Variants in CANX observed in about 807,000 individuals in gnomAD.
The protein encoded by CANX is epididymis secretory sperm binding protein.
A neutral mutation model predicts 75.7 loss-of-function variants in CANX; 14 were observed. The observed-to-expected ratio is 0.19, with a 90% CI of 0.12 to 0.29. The LOEUF (loss-of-function observed/expected upper bound fraction) is 0.29, where lower values mean the gene tolerates loss of function less well. Ranked by LOEUF, CANX falls within the 10% of genes least tolerant of loss-of-function variation. CANX has a pLI of 1.00. For missense variants in CANX, 567 were observed against 713.2 expected, an observed-to-expected ratio of 0.79 and a Z score of 2.34; for synonymous variants, 227 against 236.9, an observed-to-expected ratio of 0.96 and a Z score of 0.38.
chr5:179,729,264 A>T lies in CANX; in HGVS notation c.*620A>T, dbSNP rs1389387516. 6.5e-6 allele frequency: 1 copy of T among 153,870 alleles called. No individual in the cohort carries two copies. The highest frequency in any genetic ancestry group is 6.5e-5 in the Admixed American group (1 of 15,364). The allele number at this position is 153,870 out of a possible 1,614,324, so 9.5% of individuals were successfully genotyped here. A position where few individuals can be genotyped will look rare whatever the true frequency, so the allele number is the denominator to read the frequency against. On this transcript the variant is annotated 3_prime_UTR_variant, in exon 15 of 15. Transcript: ENST00000247461. ...TGCGTTTAAGTTGTATTAAAAATAG[A>T]TATATAAGAAAAAATTCTTTCACTT...
upstream of CANX, chr5:179,698,367 C>G (rs1019687604): frequency 2.5e-5 from 29 of 1,181,098 alleles, no homozygotes; most frequent in Non-Finnish European, 2.5e-5. Flanking sequence ...GCTCCTGGGC[C>G]GAGCCATGAC....
upstream of CANX, among the ~76,000 whole-genome samples, chr5:179,695,811 C>T (rs1021363127): frequency 2.0e-5 from 3 of 150,632 alleles, no homozygotes; most frequent in Non-Finnish European, 4.4e-5. Flanking sequence ...CCACTGCGCC[C>T]GGCTAATTTT....
intron 1 of CANX, chr5:179,700,954 C>T (rs1776706726): frequency 6.6e-6 from 1 of 151,962 alleles, no homozygotes; most frequent in East Asian, 1.9e-4. Context: ...GCTCCGCCTC[C>T]CGGGTTCACG....
chr5:179,706,073 G>A (rs186172705), intron 2 of CANX, among the ~76,000 whole-genome samples, 185 bp from the exon 3 acceptor site: 13 of 152,224 alleles, frequency 8.5e-5, no homozygotes, highest in African/African-American at 2.9e-4. Context: ...AGCAAAATTC[G>A]TGAAAATACT....
At chr5:179,708,027 G>A (rs1777280381) in intron 4 of CANX, among the ~76,000 whole-genome samples, 1 of 151,994 alleles carries the variant, frequency 6.6e-6, no homozygotes, top group Non-Finnish European at 1.5e-5. Context: ...ATTAGAGATG[G>A]GGTTTCACCA....
chr5:179,723,213 T>C (rs896794041), intron 11 of CANX, among the ~76,000 whole-genome samples, 194 bp downstream of exon 11: 3 of 152,144 alleles, frequency 2.0e-5, no homozygotes, highest in Admixed American at 2.0e-4. Flanking sequence ...TAGAGTCTGT[T>C]TGTGTTCAGG....
chr5:179,698,476 G>A, upstream of CANX: 1 of 1,289,244 alleles, frequency 7.8e-7, no homozygotes. Context: ...GTAGGGGCCC[G>A]CGTTCGCTGC....
At chr5:179,726,638 A>G (rs1327474119) in intron 13 of CANX, 42 bp from the exon 14 acceptor site, 1 of 1,420,988 alleles carries the variant, frequency 7.0e-7, no homozygotes, top group East Asian at 2.3e-5. Flanking sequence ...ATAATCACCA[A>G]AAATAATAAG....
intron 4 of CANX, among the ~76,000 whole-genome samples, chr5:179,707,658 T>A (rs1465952209): frequency 5.4e-4 from 71 of 130,422 alleles, no homozygotes; most frequent in African/African-American, 7.0e-4. Flanking sequence ...TTTTTTTTTT[T>A]TTTTTTTTTA....
intron 3 of CANX, 40 bp downstream of exon 3, chr5:179,706,371 T>A: frequency 9.7e-7 from 1 of 1,031,236 alleles, no homozygotes. Context: ...GAGGCAGACA[T>A]GTAAATAAGA....
chr5:179,685,102 C>T (rs1776167043), intron 1 of CANX, among the ~76,000 whole-genome samples: 1 of 150,750 alleles, frequency 6.6e-6, no homozygotes, highest in Admixed American at 6.6e-5. Context: ...TATTTATTTA[C>T]TTATTTAATT....
rs1281242621 is a variant in CANX at position 179,731,435 on chromosome 5, TAAG to T, written c.*2794_*2796del. Among the ~76,000 whole-genome samples, 2 of 152,032 alleles carry T rather than the reference TAAG, an allele frequency of 1.3e-5. No individual in the cohort carries two copies. Among genetic ancestry groups the T allele is most frequent in the Non-Finnish European group, 2.9e-5 (2 of 68,028 alleles). On this transcript the variant is annotated 3_prime_UTR_variant, in exon 15 of 15. Coordinates refer to ENST00000247461, the MANE Select transcript of CANX (RefSeq NM_001746.4). ...TGCTCCTAGTTACTATTTTTTCTAT[TAAG>T]AAATAGTTTAGTTCTGGTGTAAAAT...
chr5:179,681,094 GC>G, intron 1 of CANX: 1 of 603,014 alleles, frequency 1.7e-6, no homozygotes, highest in Non-Finnish European at 3.0e-6. Context: ...ATGCCTCCAG[GC>G]CAGGCCACCC....
intron 13 of CANX, among the ~76,000 whole-genome samples, chr5:179,725,816 C>T (rs186278005): frequency 3.4e-5 from 5 of 148,708 alleles, no homozygotes; most frequent in African/African-American, 1.2e-4. Context: ...AGTGAAGCCC[C>T]GTCTCTACTT....
At chr5:179,693,940 G>A (rs1410525665), upstream of CANX, among the ~76,000 whole-genome samples, 1 of 151,988 alleles carries the variant, frequency 6.6e-6, no homozygotes, top group Non-Finnish European at 1.5e-5. Context: ...ATTAGCATGA[G>A]TATAGAGAAA....
Position 179,722,941 on chromosome 5 carries a change from T to A in CANX, c.1320T>A (p.Ile440=), listed in dbSNP as rs1778405080. 1 of 1,614,038 alleles carries A rather than the reference T, an allele frequency of 6.2e-7. No individual in the cohort carries two copies. The highest frequency in any genetic ancestry group is 1.3e-5 in the African/African-American group (1 of 74,914). ...TSDIFFDNFI[I]CADRRIVDDW... is the part of the protein sequence containing the mutation. ...ACATTTTTTTTGACAACTTTATCAT[T>A]TGTGCTGATCGAAGAATAGTTGATG... The change falls in exon 11 of 15, where the codon ATT becomes ATA. Residue 440 remains isoleucine, a synonymous_variant. Coordinates refer to ENST00000247461, the MANE Select transcript of CANX (RefSeq NM_001746.4).
In CANX at chr5:179,716,157, T is replaced by G; in HGVS notation, c.774T>G (p.Asn258Lys). The change falls in exon 8 of 15, where the codon AAT (asparagine) becomes AAG (lysine). Residue 258 changes from asparagine (N) to lysine (K), a missense_variant. By Grantham distance (94) the Asn-to-Lys change is moderately conservative (BLOSUM62 0). Around this residue, in one of 3 missense-constraint regions of CANX, gnomAD observed 351 missense variants for 433.8 expected, o/e 0.81. Transcript: ENST00000247461. ...TACTGGTTGACCAATCTGTGGTGAATAGTGGAAATCTGCTCAATGACATGA... is the reference window on the plus strand; with the variant it reads ...TACTGGTTGACCAATCTGTGGTGAAGAGTGGAAATCTGCTCAATGACATGA... ...FEILVDQSVV[N>K]SGNLLNDMTP... 6.2e-7 allele frequency: 1 copy of G among 1,613,182 alleles called. No homozygotes were observed. The highest frequency in any genetic ancestry group is 8.5e-7 in the Non-Finnish European group (1 of 1,179,098).
upstream of CANX, chr5:179,694,739 C>T (rs143814016): frequency 3.1e-4 from 198 of 645,644 alleles, no homozygotes; most frequent in African/African-American, 2.9e-3. Context: ...AAGATGAAGA[C>T]GAGGAGGAGA....
At chr5:179,681,992 G>A (rs1356966317) in intron 1 of CANX, among the ~76,000 whole-genome samples, 1 of 149,912 alleles carries the variant, frequency 6.7e-6, no homozygotes, top group Non-Finnish European at 1.5e-5. Context: ...TTTCATGCCT[G>A]TAAATCCCAG....
Sources: gnomAD v4.1 joint callset for allele counts (sites outside exome capture counted in the v4.1 genomes callset) on GRCh38, gnomAD v4.1.1 for gene constraint, gnomAD v4.1.1 regional missense constraint, MANE v1.5 for transcripts, NCBI Gene and HGNC (gene_info 2026-07-23, HGNC 2026-07-21) for gene names.